MYLK3: variants seen among roughly 807,000 people sequenced by gnomAD.
MYLK3 encodes MLC kinase.
MYLK3 carries 55 observed loss-of-function variants against 76.3 expected under a neutral mutation model. The observed-to-expected ratio is 0.72, with a 90% CI of 0.58 to 0.90. The LOEUF (loss-of-function observed/expected upper bound fraction) is 0.90. MYLK3 is among the 40% of genes least tolerant of loss of function. The probability of loss-of-function intolerance (pLI) is 0.00; values close to 1 mark genes in which losing one functional copy is unlikely to be tolerated. For missense variants in MYLK3, 973 were observed against 1,053.6 expected (o/e 0.92, Z 1.06); for synonymous variants, 416 against 425.4 (o/e 0.98, Z 0.27).
Position 46,709,536 on chromosome 16 carries a change from T to C in MYLK3, c.2400+3A>G, listed in dbSNP as rs1470431412. On this transcript the variant is annotated splice_donor_region_variant and intron_variant, in intron 12 of 12. Transcript: ENST00000394809. ...CACCTTTACTAAGAGAAAAACCAAATACCTTCCATTTTCTTTGAGCTATGT... is the reference window on the plus strand; with the variant it reads ...CACCTTTACTAAGAGAAAAACCAAACACCTTCCATTTTCTTTGAGCTATGT... The C allele has an allele frequency of 6.2e-7, 1 of 1,612,976 alleles. No homozygotes were observed. The highest frequency in any genetic ancestry group is 8.5e-7 in the Non-Finnish European group (1 of 1,179,676).
Position 46,737,804 on chromosome 16 carries a change from C to T in MYLK3, c.908G>A (p.Arg303Lys). ...PDPEPLEEGT[R>K]LTPGPGPQCP... ...CTGAGGGCCAGGCCCTGGAGTCAGC[C>T]TCGTGCCTTCCTCTAAGGGCTCAGG... Residue 303 changes from arginine to lysine, a missense_variant, in exon 3 of 13, where the codon AGG (arginine) becomes AAG (lysine). Coordinates refer to ENST00000394809, the MANE Select transcript of MYLK3 (RefSeq NM_182493.3). The T allele has an allele frequency of 6.2e-7, 1 of 1,612,812 alleles. No homozygotes were observed. The highest frequency in any genetic ancestry group is 2.2e-5 in the East Asian group (1 of 44,880).
intron 9 of MYLK3, among the ~76,000 whole-genome samples, chr16:46,719,386 AG>A (rs1402051001): frequency 6.6e-6 from 1 of 152,176 alleles, no homozygotes; most frequent in Non-Finnish European, 1.5e-5. Flanking sequence ...CGGAGGAAAC[AG>A]AATCCTGGAG....
rs1596742317 is a variant in MYLK3 at position 46,706,317 on chromosome 16, G to C, written c.*1387C>G. On this transcript the variant is annotated 3_prime_UTR_variant, in exon 13 of 13. Coordinates refer to ENST00000394809, the MANE Select transcript of MYLK3 (RefSeq NM_182493.3). ...TCTTTTTTTTTTTTTTTTTTGAGACGGAGTCTTGCTCTGTTGCCTAGGCTG... is the reference window on the plus strand; with the variant it reads ...TCTTTTTTTTTTTTTTTTTTGAGACCGAGTCTTGCTCTGTTGCCTAGGCTG... The C allele has an allele frequency of 7.0e-6, 1 of 142,484 alleles. No individual in the cohort carries two copies. The allele number at this position is 142,484 out of a possible 1,614,324, so 8.8% of individuals were successfully genotyped here.
chr16:46,746,493 T>G (rs1264219494), intron 1 of MYLK3, among the ~76,000 whole-genome samples: 2 of 152,132 alleles, frequency 1.3e-5, no homozygotes, highest in Non-Finnish European at 2.9e-5. Context: ...CAAACATAGC[T>G]CACCGAAGCC....
chr16:46,747,537 C>G (rs571816160), intron 1 of MYLK3, among the ~76,000 whole-genome samples, 180 bp downstream of exon 1: 1 of 152,342 alleles, frequency 6.6e-6, no homozygotes, highest in South Asian at 2.1e-4. Context: ...GAATGGCAGG[C>G]AGTGTCCGGA....
chr16:46,742,921 T>C (rs1567290679), intron 1 of MYLK3, among the ~76,000 whole-genome samples: 1 of 152,136 alleles, frequency 6.6e-6, no homozygotes, highest in Non-Finnish European at 1.5e-5. Context: ...CTCCTCCTCT[T>C]TTACCCACTG....
intron 4 of MYLK3, among the ~76,000 whole-genome samples, chr16:46,731,974 G>A (rs1036411239): frequency 1.3e-5 from 2 of 151,998 alleles, no homozygotes; most frequent in Admixed American, 6.6e-5. Context: ...ATGTACCCAG[G>A]TGGGCCACAC....
chr16:46,707,463 T>C lies in MYLK3; in HGVS notation c.*241A>G. Reference sequence around the variant, plus strand: ...ACACTTACCACCAAAAGTAGGTATATTTGAAAGGTACTCAGAGCATTTCAC... The same window carrying C: ...ACACTTACCACCAAAAGTAGGTATACTTGAAAGGTACTCAGAGCATTTCAC... On this transcript the variant is annotated 3_prime_UTR_variant, in exon 13 of 13. Coordinates refer to ENST00000394809, the MANE Select transcript of MYLK3 (RefSeq NM_182493.3). 1 of 440,810 alleles carries C rather than the reference T, an allele frequency of 2.3e-6. No individual in the cohort carries two copies. Among genetic ancestry groups the C allele is most frequent in the Non-Finnish European group, 4.0e-6 (1 of 249,004 alleles). 27.3% of individuals were successfully genotyped at this position (440,810 alleles called of 1,614,324 possible). A position where few individuals can be genotyped will look rare whatever the true frequency, so the allele number is the denominator to read the frequency against.
chr16:46,710,242 CT>C (rs1461835951), intron 11 of MYLK3, among the ~76,000 whole-genome samples: 1 of 152,174 alleles, frequency 6.6e-6, no homozygotes. Context: ...ACTCAAATGG[CT>C]TGACCCATGA....
At position 46,748,100 on chromosome 16, in the gene MYLK3, G is replaced by A. The variant is rs772586307; in HGVS notation, c.94C>T (p.Leu32=). ...LTTMDTKLNM[L]NEKVDQLLHF... Reference sequence around the variant, plus strand: ...AGGAGCTGGTCCACCTTCTCGTTCAGCATGTTCAGCTTTGTGTCCATGGTT... The same window carrying A: ...AGGAGCTGGTCCACCTTCTCGTTCAACATGTTCAGCTTTGTGTCCATGGTT... Residue 32 remains leucine (L), a synonymous_variant, in exon 1 of 13, where the codon CTG becomes TTG. Transcript: ENST00000394809. This position sits in a 1 kb window ranked among gnomAD's most constrained non-coding sequence, Gnocchi z 4.3. The A allele has an allele frequency of 6.2e-7, 1 of 1,614,258 alleles. No individual in the cohort carries two copies. The highest frequency in any genetic ancestry group is 2.2e-5 in the East Asian group (1 of 44,888).
In MYLK3 at chr16:46,702,967, A is replaced by G. The variant is rs1966590948; in HGVS notation, c.*4737T>C. On this transcript the variant is annotated 3_prime_UTR_variant, in exon 13 of 13. Coordinates refer to ENST00000394809, the MANE Select transcript of MYLK3 (RefSeq NM_182493.3). ...ATACATGCTCATTGTAAAAAAAAAA[A>G]AAAAAAAGATTCAAAAGGTTCAGAA... Among the ~76,000 whole-genome samples, 1 of 151,984 alleles carries G rather than the reference A, an allele frequency of 6.6e-6. No homozygotes were observed. The highest frequency in any genetic ancestry group is 2.4e-5 in the African/African-American group (1 of 41,402).
At chr16:46,722,873 C>A (rs990155480) in intron 8 of MYLK3, among the ~76,000 whole-genome samples, 1 of 152,136 alleles carries the variant, frequency 6.6e-6, no homozygotes, top group South Asian at 2.1e-4. Context: ...CCACACCCAG[C>A]AAATTTGTTT....
At position 46,710,745 on chromosome 16, in the gene MYLK3, G is replaced by T; in HGVS notation, c.2159C>A (p.Thr720Asn). Residue 720 changes from threonine to asparagine, a missense_variant, in exon 11 of 13, where the codon ACC (threonine) becomes AAC (asparagine). Thr to Asn is a moderately conservative substitution (Grantham distance 65). This residue lies in a region of MYLK3 where 332 missense variants were observed against 416.6 expected (regional missense o/e 0.80). Coordinates refer to ENST00000394809, the MANE Select transcript of MYLK3 (RefSeq NM_182493.3). ...SPFLGETDAE[T>N]MNFIVNCSWD... is the part of the protein sequence containing the mutation. The stretch of plus-strand genomic sequence containing the variant: ...GCTACAGTTTACAATGAAATTCATG[G>T]TCTCTGCATCTGTTTCCCCTAGAAA... The T allele has an allele frequency of 6.2e-7, 1 of 1,614,090 alleles. No homozygotes were observed. The highest frequency in any genetic ancestry group is 8.5e-7 in the Non-Finnish European group (1 of 1,180,034).
At chr16:46,740,573 A>G (rs1966915680) in intron 1 of MYLK3, among the ~76,000 whole-genome samples, 1 of 128,012 alleles carries the variant, frequency 7.8e-6, no homozygotes, top group Non-Finnish European at 1.6e-5. Flanking sequence ...TTTTTTTGAG[A>G]CAAGGTCTTG....
At chr16:46,760,561 A>G (rs929167646) in intron 1 of MYLK3, among the ~76,000 whole-genome samples, 1 of 152,188 alleles carries the variant, frequency 6.6e-6, no homozygotes, top group African/African-American at 2.4e-5. Context: ...CGCTAACTGC[A>G]AGGTGCAGGG....
chr16:46,725,993 G>A (rs1284128164), intron 8 of MYLK3: 1 of 152,182 alleles, frequency 6.6e-6, no homozygotes, highest in Non-Finnish European at 1.5e-5. Context: ...TCCATCTTGA[G>A]TTGATTTTTG....
At chr16:46,714,162 A>C (rs1014004432) in intron 9 of MYLK3, among the ~76,000 whole-genome samples, 2 of 152,206 alleles carry the variant, frequency 1.3e-5, no homozygotes, top group Non-Finnish European at 2.9e-5. Flanking sequence ...CTAAAATTTC[A>C]TGGGCACTTT....
chr16:46,732,696 G>A (rs932685031), intron 3 of MYLK3, 28 bp from the exon 4 acceptor site: 2 of 1,457,156 alleles, frequency 1.4e-6, no homozygotes, highest in Non-Finnish European at 9.0e-7. Flanking sequence ...ATGGTGCTGA[G>A]GTTAGAGGCA....
chr16:46,715,684 C>CTGA (rs1966729682), intron 9 of MYLK3, among the ~76,000 whole-genome samples: 1 of 152,180 alleles, frequency 6.6e-6, no homozygotes, highest in South Asian at 2.1e-4. Flanking sequence ...TTTAGATGCA[C>CTGA]TGATGGCTCT....
Sources: allele counts gnomAD v4.1 joint callset (sites outside exome capture counted in the v4.1 genomes callset), GRCh38; gene constraint gnomAD v4.1.1; regional missense constraint gnomAD v4.1.1; non-coding constraint Gnocchi (gnomAD v3.1); transcripts MANE v1.5; gene names NCBI Gene and HGNC (gene_info 2026-07-23, HGNC 2026-07-21).